Variants in GTF3C2 observed in about 807,000 individuals in gnomAD.
The protein encoded by GTF3C2 is general transcription factor 3C polypeptide 2.
Under a neutral mutation model 117.4 loss-of-function variants are expected in GTF3C2, and 17 were observed. The ratio of observed to expected loss-of-function variants is 0.14; its 90% CI spans 0.10 to 0.22. GTF3C2 has a LOEUF of 0.22. Among genes scored for constraint, GTF3C2 ranks in the 10% least tolerant of loss-of-function variants. GTF3C2 has a pLI of 1.00. For missense variants in GTF3C2, 888 were observed against 1,143.6 expected (o/e 0.78, Z 3.22); for synonymous variants, 437 against 427.0 (o/e 1.02, Z -0.29).
chr2:27,340,997 G>A (rs1418896903), intron 4 of GTF3C2, among the ~76,000 whole-genome samples: 1 of 151,934 alleles, frequency 6.6e-6, no homozygotes, highest in African/African-American at 2.4e-5. Context: ...AAAAATGTTT[G>A]TTGTACAGTT....
chr2:27,326,443 A>T (rs1345266679), exon 19 of GTF3C2: 4 of 586,888 alleles, frequency 6.8e-6, no homozygotes, highest in Non-Finnish European at 1.2e-5. Flanking sequence ...CCATAGTCTT[A>T]GGCTGAGGAG....
intron 7 of GTF3C2, 36 bp downstream of exon 7, chr2:27,337,208 T>C (rs777217448): frequency 8.0e-7 from 1 of 1,252,870 alleles, no homozygotes; most frequent in Non-Finnish European, 1.2e-6. Flanking sequence ...TTCTGGCTCC[T>C]AGAATCAGAA....
intron 1 of GTF3C2, among the ~76,000 whole-genome samples, chr2:27,348,731 G>A (rs1386536276): frequency 6.6e-6 from 1 of 152,182 alleles, no homozygotes; most frequent in African/African-American, 2.4e-5. Flanking sequence ...TTGAGCCTGG[G>A]AGGTGAAGCC....
intron 1 of GTF3C2, among the ~76,000 whole-genome samples, chr2:27,345,190 A>T (rs554484991): frequency 6.6e-6 from 1 of 152,098 alleles, no homozygotes; most frequent in Non-Finnish European, 1.5e-5. Context: ...AGGCTCCTTG[A>T]GCCCAGGAGG....
intron 1 of GTF3C2, among the ~76,000 whole-genome samples, chr2:27,352,212 G>A (rs545630345): frequency 6.6e-6 from 1 of 152,218 alleles, no homozygotes; most frequent in East Asian, 1.9e-4. Context: ...CTCAAGCCCT[G>A]TTAAGTTCAA....
At chr2:27,350,111 T>C (rs1011016518) in intron 1 of GTF3C2, among the ~76,000 whole-genome samples, 1 of 152,058 alleles carries the variant, frequency 6.6e-6, no homozygotes, top group African/African-American at 2.4e-5. Context: ...AATGAAGATA[T>C]AAATAAAATA....
intron 3 of GTF3C2, chr2:27,342,564 TA>T: frequency 1.8e-6 from 1 of 554,042 alleles, no homozygotes; most frequent in Non-Finnish European, 3.2e-6. Context: ...TACTGGACAG[TA>T]AAACAATAAA....
intron 12 of GTF3C2, among the ~76,000 whole-genome samples, chr2:27,330,163 A>G (rs1258073003): frequency 6.8e-6 from 1 of 148,084 alleles, no homozygotes; most frequent in African/African-American, 2.5e-5. Context: ...AAAAAAGCAT[A>G]AAAACTCTAG....
At chr2:27,342,312 T>C in intron 3 of GTF3C2, 79 bp from the exon 4 acceptor site, 1 of 1,150,772 alleles carries the variant, frequency 8.7e-7, no homozygotes, top group Non-Finnish European at 1.2e-6. Flanking sequence ...GATTTTTATC[T>C]CAATGGAGCC....
rs559112314 is a variant in GTF3C2, at chr2:27,348,191, C to T, written c.-24-4613G>A. Among the ~76,000 whole-genome samples, 13 of 151,196 alleles carry T rather than the reference C, an allele frequency of 8.6e-5. No homozygotes were observed. In the East Asian group the frequency reaches 1.6e-3, roughly 18 times the overall value. ...CTGACGCAGGAGAACTGCTTGAACC[C>T]GGGAGGCAGAGGTTGCAGTGAGCCA... On this transcript the variant is annotated intron_variant, in intron 1 of 18. Coordinates refer to ENST00000264720, the Ensembl canonical transcript of GTF3C2.
intron 1 of GTF3C2, among the ~76,000 whole-genome samples, chr2:27,355,673 C>T (rs1681345418): frequency 6.6e-6 from 1 of 152,304 alleles, no homozygotes; most frequent in African/African-American, 2.4e-5. Flanking sequence ...TCCCATGCTG[C>T]TCCAGGATGC....
chr2:27,336,036 G>T lies in GTF3C2; in HGVS notation c.1356-8C>A. 2 of 1,579,538 alleles carry T rather than the reference G, an allele frequency of 1.3e-6. No homozygotes were observed. Among genetic ancestry groups the T allele is most frequent in the Non-Finnish European group, 1.7e-6 (2 of 1,148,424 alleles). ...TGGGCCCTGTTGCCAGGACTGGAGA[G>T]AGAGAGCATGTGGGGATGGTGGGTA... On this transcript the variant is annotated splice_polypyrimidine_tract_variant and splice_region_variant and intron_variant, in intron 8 of 18. Coordinates refer to ENST00000264720, the Ensembl canonical transcript of GTF3C2.
At chr2:27,354,814 T>C (rs1223978133) in intron 1 of GTF3C2, among the ~76,000 whole-genome samples, 3 of 152,200 alleles carry the variant, frequency 2.0e-5, no homozygotes, top group Admixed American at 6.5e-5. Flanking sequence ...TTCTTCCTAA[T>C]TGCTGCATGG....
At chr2:27,337,792 G>A in intron 5 of GTF3C2, 134 bp downstream of exon 5, 2 of 724,580 alleles carry the variant, frequency 2.8e-6, no homozygotes, top group East Asian at 4.9e-5. Flanking sequence ...CTAGAGCAGT[G>A]CTTTTTAGTA....
At chr2:27,337,817 G>A (rs560792975) in intron 5 of GTF3C2, 109 bp downstream of exon 5, 13 of 756,500 alleles carry the variant, frequency 1.7e-5, no homozygotes, top group South Asian at 1.2e-4. Context: ...ATGTCATCAC[G>A]GTATTCCACC....
chr2:27,332,500 C>T (rs569308500), intron 12 of GTF3C2, among the ~76,000 whole-genome samples: 20 of 152,038 alleles, frequency 1.3e-4, no homozygotes, highest in Admixed American at 3.9e-4. Flanking sequence ...CTGCAAACTC[C>T]GCCTCCCGGG....
intron 3 of GTF3C2, 50 bp downstream of exon 3, chr2:27,342,776 G>T: frequency 7.2e-7 from 1 of 1,379,434 alleles, no homozygotes; most frequent in South Asian, 1.2e-5. Context: ...GCCCCACCCT[G>T]ATCCCTTCAC....
chr2:27,337,460 A>G (rs1358406815), intron 6 of GTF3C2, 21 bp downstream of exon 6: 1 of 1,548,574 alleles, frequency 6.5e-7, no homozygotes, highest in Admixed American at 1.7e-5. Flanking sequence ...CCTAAGCTAC[A>G]GAGATGTTGC....
rs955891485 is a variant in GTF3C2, at chr2:27,338,297, T to C, written c.856-277A>G. ...TTGATTCACAGGATTCCCTTATGCC[T>C]CTTTGAAACTCCCGCCCTATGGAAT... On this transcript the variant is annotated intron_variant, in intron 4 of 18. Coordinates refer to ENST00000264720, the Ensembl canonical transcript of GTF3C2. 26 of 404,074 alleles carry C rather than the reference T, an allele frequency of 6.4e-5. No individual in the cohort carries two copies. In the Admixed American group the frequency reaches 9.0e-4, roughly 14 times the overall value. The allele number at this position is 404,074 out of a possible 1,614,324, so 25.0% of individuals were successfully genotyped here.
Sources: gnomAD v4.1 joint callset for allele counts (sites outside exome capture counted in the v4.1 genomes callset) on GRCh38, gnomAD v4.1.1 for gene constraint, MANE v1.5 for transcripts, NCBI Gene and HGNC (gene_info 2026-07-23, HGNC 2026-07-21) for gene names.